Variants in NALF1 observed in about 807,000 individuals in gnomAD.
The protein encoded by NALF1 is family with sequence similarity 155 member A.
Under a neutral mutation model 48.4 loss-of-function variants are expected in NALF1, and 3 were observed. The ratio of observed to expected loss-of-function variants is 0.06; its 90% CI spans 0.03 to 0.16. The LOEUF (loss-of-function observed/expected upper bound fraction) is 0.16, where lower values mean the gene tolerates loss of function less well. NALF1 is among the 10% of genes least tolerant of loss of function. The pLI, the probability that NALF1 is intolerant of heterozygous loss-of-function variation, is 1.00. For synonymous variants in NALF1, 262 were observed against 245.7 expected (o/e 1.07, Z -0.62); for missense variants, 526 against 571.5 (o/e 0.92, Z 0.81).
chr13:107,431,978 T>C (rs1157920228), intron 1 of NALF1, among the ~76,000 whole-genome samples: 1 of 152,210 alleles, frequency 6.6e-6, no homozygotes, highest in African/African-American at 2.4e-5. Flanking sequence ...TCTGTCTGTG[T>C]TAGACACTTT....
chr13:107,282,512 A>G (rs1186682173), intron 1 of NALF1, among the ~76,000 whole-genome samples: 1 of 152,158 alleles, frequency 6.6e-6, no homozygotes, highest in Non-Finnish European at 1.5e-5. Flanking sequence ...TCATATCTCT[A>G]TGTGGTTCCC....
At chr13:107,323,007 C>G (rs1882286444) in intron 1 of NALF1, among the ~76,000 whole-genome samples, 1 of 152,116 alleles carries the variant, frequency 6.6e-6, no homozygotes, top group Admixed American at 6.6e-5. Flanking sequence ...TTCACTTTCT[C>G]TTTTGAACTA....
intron 1 of NALF1, among the ~76,000 whole-genome samples, chr13:107,575,982 GTGTGTGTGCATGTATA>G (rs1245650633): frequency 3.8e-5 from 4 of 105,266 alleles, no homozygotes; most frequent in East Asian, 5.3e-4. Flanking sequence ...GTGTGCATAT[GTGTGTGTGCATGTATA>G]TGTGTGTGTG....
intron 1 of NALF1, among the ~76,000 whole-genome samples, chr13:107,730,282 G>A (rs1876273484): frequency 6.6e-6 from 1 of 152,126 alleles, no homozygotes; most frequent in African/African-American, 2.4e-5. Context: ...CCCACACTTT[G>A]CATATCACAG....
At chr13:107,240,382 A>G (rs1880442298) in intron 1 of NALF1, among the ~76,000 whole-genome samples, 1 of 152,206 alleles carries the variant, frequency 6.6e-6, no homozygotes, top group Non-Finnish European at 1.5e-5. Context: ...AGTAGTCCAA[A>G]CACACTATAA....
chr13:107,686,484 T>A (rs1881436262), intron 1 of NALF1, among the ~76,000 whole-genome samples: 1 of 152,006 alleles, frequency 6.6e-6, no homozygotes, highest in Admixed American at 6.6e-5. Context: ...AACCTCCACC[T>A]CCAGGTTCAA....
chr13:107,460,985 A>T (rs1884909414), intron 1 of NALF1, among the ~76,000 whole-genome samples: 1 of 152,192 alleles, frequency 6.6e-6, no homozygotes, highest in Non-Finnish European at 1.5e-5. Context: ...ACACCTTTTA[A>T]TACTTCACTG....
At chr13:107,832,609 C>T (rs1879772843) in intron 1 of NALF1, among the ~76,000 whole-genome samples, 1 of 152,158 alleles carries the variant, frequency 6.6e-6, no homozygotes, top group Admixed American at 6.5e-5. Context: ...GCTCACTTGC[C>T]TACATTGGAA....
chr13:107,500,768 G>A (rs1048087777), intron 1 of NALF1, among the ~76,000 whole-genome samples: 8 of 151,570 alleles, frequency 5.3e-5, no homozygotes, highest in Non-Finnish European at 1.0e-4. Context: ...GGAATACTAT[G>A]CAGCCATAAA....
At chr13:107,657,788 G>A (rs7997928) in intron 1 of NALF1, among the ~76,000 whole-genome samples, 29,539 of 152,102 alleles carry the variant, frequency 0.19, 3,053 homozygotes, top group Middle Eastern at 0.37. Flanking sequence ...CAACTGAAAT[G>A]TCAACGCCAG....
At chr13:107,351,415 A>T (rs1882869999) in intron 1 of NALF1, among the ~76,000 whole-genome samples, 2 of 152,154 alleles carry the variant, frequency 1.3e-5, no homozygotes, top group South Asian at 4.1e-4. Context: ...GTTTCCCAGG[A>T]CTTTCTCCCC....
chr13:107,310,184 C>T (rs772827041), intron 1 of NALF1, among the ~76,000 whole-genome samples: 6 of 152,072 alleles, frequency 3.9e-5, no homozygotes, highest in South Asian at 2.1e-4. Context: ...CCCAGGAAGG[C>T]GGATCACTTG....
At chr13:107,734,669 G>A (rs2138538760) in intron 1 of NALF1, among the ~76,000 whole-genome samples, 1 of 152,116 alleles carries the variant, frequency 6.6e-6, no homozygotes, top group Admixed American at 6.5e-5. Context: ...AGACATTTAT[G>A]TCTTTGAGCC....
rs546420352 is a variant in NALF1 at position 107,853,048 on chromosome 13, A to G, written c.915+12634T>C. On this transcript the variant is annotated intron_variant, in intron 1 of 2. Transcript: ENST00000375915. ...TTGAGTGAATATGATTTTTTCCCAA[A>G]GCCAGCTCTATCATAAATTAATTTT... Among the ~76,000 whole-genome samples the G allele has an allele frequency of 2.4e-4, 36 of 152,298 alleles. No individual in the cohort carries two copies. The South Asian group carries it at 7.5e-3, about 32-fold the overall frequency.
intron 1 of NALF1, among the ~76,000 whole-genome samples, chr13:107,457,723 C>G (rs982641845): frequency 4.6e-5 from 7 of 152,170 alleles, no homozygotes; most frequent in Admixed American, 3.9e-4. Context: ...AAGTTGAAAA[C>G]AAATGTTGAG....
At chr13:107,347,130 G>C in intron 1 of NALF1, among the ~76,000 whole-genome samples, 1 of 152,140 alleles carries the variant, frequency 6.6e-6, no homozygotes, top group East Asian at 1.9e-4. Flanking sequence ...AATGGAGCAA[G>C]GTACCCACAA....
chr13:107,546,532 C>G (rs895634866), intron 1 of NALF1, among the ~76,000 whole-genome samples: 4 of 152,130 alleles, frequency 2.6e-5, no homozygotes, highest in Non-Finnish European at 2.9e-5. Context: ...TTTTTCTTTG[C>G]ACTTCCAGGG....
At chr13:107,371,273 C>T (rs905600145) in intron 1 of NALF1, among the ~76,000 whole-genome samples, 2 of 151,926 alleles carry the variant, frequency 1.3e-5, no homozygotes, top group Non-Finnish European at 2.9e-5. Context: ...ACAGGGAAAC[C>T]CTGTCTCTAC....
intron 1 of NALF1, among the ~76,000 whole-genome samples, chr13:107,374,169 A>T (rs1395172859): frequency 1.3e-5 from 2 of 152,134 alleles, no homozygotes; most frequent in East Asian, 3.9e-4. Flanking sequence ...CTACTTTCCT[A>T]CGCAAGTACT....
Sources: gnomAD v4.1 joint callset for allele counts (sites outside exome capture counted in the v4.1 genomes callset) on GRCh38, gnomAD v4.1.1 for gene constraint, MANE v1.5 for transcripts, NCBI Gene and HGNC (gene_info 2026-07-23, HGNC 2026-07-21) for gene names.